Variants in ZNF804A observed in about 807,000 individuals in gnomAD.
The protein encoded by ZNF804A is zinc finger protein 804A.
A neutral mutation model predicts 16.5 loss-of-function variants in ZNF804A; 2 were observed. The ratio of observed to expected loss-of-function variants is 0.12; its 90% CI spans 0.05 to 0.38. The LOEUF is 0.38. ZNF804A is among the 10% of genes least tolerant of loss of function. The pLI, the probability that ZNF804A is intolerant of heterozygous loss-of-function variation, is 0.99. For missense variants in ZNF804A, 1,473 were observed against 1,390.7 expected, an observed-to-expected ratio of 1.06 and a Z score of -0.94; for synonymous variants, 534 against 489.6, an observed-to-expected ratio of 1.09 and a Z score of -1.20.
At chr2:184,755,853 A>C (rs1693951451) in intron 1 of ZNF804A, among the ~76,000 whole-genome samples, 1 of 152,122 alleles carries the variant, frequency 6.6e-6, no homozygotes, top group South Asian at 2.1e-4. Context: ...TAACAACTAG[A>C]CATTTTTCTG....
intron 1 of ZNF804A, among the ~76,000 whole-genome samples, chr2:184,733,942 T>A (rs1693566216): frequency 6.6e-6 from 1 of 152,172 alleles, no homozygotes; most frequent in African/African-American, 2.4e-5. Context: ...CATATCATTT[T>A]GTTGATCTTT....
At chr2:184,859,048 T>C (rs1695749784) in intron 1 of ZNF804A, among the ~76,000 whole-genome samples, 2 of 152,318 alleles carry the variant, frequency 1.3e-5, no homozygotes, top group South Asian at 2.1e-4. Flanking sequence ...CTCCTTTATA[T>C]GTTATTCGAT....
intron 1 of ZNF804A, among the ~76,000 whole-genome samples, chr2:184,811,826 A>G (rs965545189): frequency 6.6e-6 from 1 of 152,222 alleles, no homozygotes; most frequent in East Asian, 1.9e-4. Context: ...TAACATTTCA[A>G]AATTTACAAC....
intron 1 of ZNF804A, among the ~76,000 whole-genome samples, chr2:184,600,037 A>G (rs140269722): frequency 1.3e-5 from 2 of 152,320 alleles, no homozygotes; most frequent in Non-Finnish European, 2.9e-5. Context: ...ATGAAAATGT[A>G]TGATTCACTG....
chr2:184,711,347 T>C (rs1693122462), intron 1 of ZNF804A, among the ~76,000 whole-genome samples: 1 of 151,770 alleles, frequency 6.6e-6, no homozygotes, highest in Admixed American at 6.6e-5. Flanking sequence ...ATATTTTAAC[T>C]GGGATACTTG....
At chr2:184,838,929 T>G (rs1329284541) in intron 1 of ZNF804A, among the ~76,000 whole-genome samples, 6 of 152,156 alleles carry the variant, frequency 3.9e-5, no homozygotes, top group African/African-American at 1.4e-4. Context: ...AACTGAATGA[T>G]AATACTTTAT....
Position 184,817,828 on chromosome 2 carries a change from C to T in ZNF804A, c.112-48541C>T, listed in dbSNP as rs185065781. On this transcript the variant is annotated intron_variant, in intron 1 of 3. Transcript: ENST00000302277. ...TTACAGAGCTTGAAGACTATCTTTC[C>T]GAAATAAGACAGGCAGAAAAGGACA... 7.9e-5 allele frequency among the ~76,000 whole-genome samples: 12 copies of T among 151,698 alleles called. No homozygotes were observed. The East Asian group carries it at 9.7e-4, about 12-fold the overall frequency.
intron 1 of ZNF804A, among the ~76,000 whole-genome samples, chr2:184,703,689 C>CAA (rs10593157): frequency 6.6e-4 from 37 of 56,306 alleles, no homozygotes; most frequent in African/African-American, 2.0e-3. Flanking sequence ...GACTCCGGTT[C>CAA]AAAAAAAAAA....
At chr2:184,669,271 T>C (rs1349601929) in intron 1 of ZNF804A, among the ~76,000 whole-genome samples, 1 of 152,096 alleles carries the variant, frequency 6.6e-6, no homozygotes, top group Non-Finnish European at 1.5e-5. Flanking sequence ...GTTGAGTCTT[T>C]AGTAATTAGC....
chr2:184,697,898 A>T (rs112082467), intron 1 of ZNF804A, among the ~76,000 whole-genome samples: 19 of 152,150 alleles, frequency 1.2e-4, no homozygotes, highest in African/African-American at 3.6e-4. Flanking sequence ...GTTTCATTAG[A>T]TTGTGACTTT....
intron 2 of ZNF804A, among the ~76,000 whole-genome samples, chr2:184,901,271 A>C (rs889686369): frequency 5.9e-5 from 9 of 152,178 alleles, no homozygotes; most frequent in African/African-American, 2.2e-4. Context: ...CAAAGGATAA[A>C]GAGGAGGGAA....
At position 184,808,744 on chromosome 2, in the gene ZNF804A, A is replaced by G. The variant is rs528989503; in HGVS notation, c.112-57625A>G. On this transcript the variant is annotated intron_variant, in intron 1 of 3. Coordinates refer to ENST00000302277, the MANE Select transcript of ZNF804A (RefSeq NM_194250.2). ...AAAATTGGTTTTAGAATCCAGAGGT[A>G]AAAACAGAATTTAATAAAATGCTTT... 2.6e-5 allele frequency among the ~76,000 whole-genome samples: 4 copies of G among 151,852 alleles called. No individual in the cohort carries two copies. The East Asian group carries it at 7.7e-4, about 29-fold the overall frequency.
chr2:184,606,423 G>A (rs1290974951), intron 1 of ZNF804A, among the ~76,000 whole-genome samples: 1 of 152,114 alleles, frequency 6.6e-6, no homozygotes, highest in Non-Finnish European at 1.5e-5. Flanking sequence ...ACAGCATGGG[G>A]GAAACTGCCC....
At chr2:184,599,624 T>A (rs1432550377) in intron 1 of ZNF804A, among the ~76,000 whole-genome samples, 1 of 152,232 alleles carries the variant, frequency 6.6e-6, no homozygotes, top group African/African-American at 2.4e-5. Flanking sequence ...TAGAACCTTA[T>A]GCTGTCCACT....
intron 1 of ZNF804A, among the ~76,000 whole-genome samples, chr2:184,782,165 A>T (rs946958544): frequency 5.9e-5 from 9 of 151,740 alleles, no homozygotes; most frequent in African/African-American, 2.2e-4. Flanking sequence ...TAGGACTTCA[A>T]CATATGAATT....
intron 1 of ZNF804A, among the ~76,000 whole-genome samples, chr2:184,771,362 G>A (rs1488249484): frequency 1.3e-5 from 2 of 151,864 alleles, no homozygotes; most frequent in Non-Finnish European, 2.9e-5. Flanking sequence ...ATATATCACA[G>A]TTTCTGTACG....
intron 1 of ZNF804A, among the ~76,000 whole-genome samples, chr2:184,725,783 T>C (rs925598069): frequency 6.6e-6 from 1 of 151,466 alleles, no homozygotes; most frequent in African/African-American, 2.4e-5. Context: ...TTATCCCCTT[T>C]ATAGTCACAC....
At chr2:184,798,986 A>G (rs929608351) in intron 1 of ZNF804A, among the ~76,000 whole-genome samples, 11 of 151,956 alleles carry the variant, frequency 7.2e-5, no homozygotes, top group African/African-American at 2.4e-4. Flanking sequence ...ACCAAGCTGC[A>G]ATGATTGCTG....
chr2:184,850,036 G>T (rs1695577886), intron 1 of ZNF804A, among the ~76,000 whole-genome samples: 1 of 151,822 alleles, frequency 6.6e-6, no homozygotes, highest in South Asian at 2.1e-4. Context: ...AACTCATGAA[G>T]ATAGAGTAGA....
Sources: allele counts gnomAD v4.1 joint callset (sites outside exome capture counted in the v4.1 genomes callset), GRCh38; gene constraint gnomAD v4.1.1; transcripts MANE v1.5; gene names NCBI Gene and HGNC (gene_info 2026-07-23, HGNC 2026-07-21).